The following KLHL1 variants were observed in gnomAD, a reference collection of about 807,000 sequenced individuals.
KLHL1 encodes kelch like family member 1, also known as kelch-like protein 1.
Under a neutral mutation model 77.7 loss-of-function variants are expected in KLHL1, and 47 were observed. The observed-to-expected ratio is 0.60, with a 90% CI of 0.48 to 0.77. KLHL1 has a LOEUF of 0.77. Ranked by LOEUF, KLHL1 falls within the 30% of genes least tolerant of loss-of-function variation. The pLI is 0.00. For missense variants in KLHL1, 925 were observed against 910.8 expected, an observed-to-expected ratio of 1.02 and a Z score of -0.20; for synonymous variants, 360 against 325.2, an observed-to-expected ratio of 1.11 and a Z score of -1.15.
intron 8 of KLHL1, among the ~76,000 whole-genome samples, chr13:69,733,389 C>T (rs890140396): frequency 6.6e-6 from 1 of 152,072 alleles, no homozygotes; most frequent in African/African-American, 2.4e-5. Context: ...AAGTCCCTTT[C>T]AGACATAGAA....
At chr13:70,077,917 T>G (rs1040398367) in intron 1 of KLHL1, among the ~76,000 whole-genome samples, 1 of 152,080 alleles carries the variant, frequency 6.6e-6, no homozygotes, top group East Asian at 1.9e-4. Flanking sequence ...TTAGGTTTTG[T>G]GTTCTTTTGA....
chr13:69,860,889 A>C (rs1880128857), intron 5 of KLHL1, among the ~76,000 whole-genome samples: 1 of 151,950 alleles, frequency 6.6e-6, no homozygotes, highest in Non-Finnish European at 1.5e-5. Context: ...CTTACTAATA[A>C]AAACATAAGA....
chr13:70,072,810 AC>A (rs1035707677), intron 1 of KLHL1, among the ~76,000 whole-genome samples: 18 of 152,172 alleles, frequency 1.2e-4, no homozygotes, highest in African/African-American at 3.9e-4. Context: ...TTGGTAAAAA[AC>A]TTTTATTTAA....
At chr13:70,072,914 C>T (rs1283949491) in intron 1 of KLHL1, among the ~76,000 whole-genome samples, 1 of 152,082 alleles carries the variant, frequency 6.6e-6, no homozygotes, top group Non-Finnish European at 1.5e-5. Context: ...TCCCCTCTCA[C>T]CATTCCTATG....
rs951905258 is a variant in KLHL1, at chr13:69,869,295, G to A, written c.1227+12988C>T. 5.9e-5 allele frequency among the ~76,000 whole-genome samples: 9 copies of A among 151,888 alleles called. No individual in the cohort carries two copies. In the South Asian group the frequency reaches 1.7e-3, roughly 28 times the overall value. On this transcript the variant is annotated intron_variant, in intron 5 of 10. Transcript: ENST00000377844. ...TAAAATTTCTTCCAATTTATTCAGA[G>A]TATTAAATTAGAAATTTTGATTTAT...
intron 1 of KLHL1, among the ~76,000 whole-genome samples, chr13:69,990,084 A>T (rs1884986909): frequency 6.6e-6 from 1 of 152,040 alleles, no homozygotes; most frequent in African/African-American, 2.4e-5. Flanking sequence ...ACTAAGCTTC[A>T]TAAGCAAAGG....
intron 8 of KLHL1, among the ~76,000 whole-genome samples, chr13:69,737,469 G>A (rs2137924626): frequency 6.6e-6 from 1 of 152,328 alleles, no homozygotes; most frequent in South Asian, 2.1e-4. Flanking sequence ...GCAGGCTAGA[G>A]ACTGCCTAAG....
At chr13:69,896,039 T>C (rs1881625482) in intron 4 of KLHL1, among the ~76,000 whole-genome samples, 1 of 152,012 alleles carries the variant, frequency 6.6e-6, no homozygotes, top group African/African-American at 2.4e-5. Flanking sequence ...TCATTCACAT[T>C]GCTGGTAGAA....
intron 8 of KLHL1, among the ~76,000 whole-genome samples, chr13:69,728,425 T>C (rs1456890249): frequency 6.6e-6 from 1 of 151,700 alleles, no homozygotes; most frequent in African/African-American, 2.4e-5. Flanking sequence ...GTTTGTTTGT[T>C]TGTTTGTTTG....
At position 69,955,758 on chromosome 13, in the gene KLHL1, T is replaced by A. The variant is rs564970298; in HGVS notation, c.817+5550A>T. ...TTCTTTTCCTTTCAAAATGTGAGCA[T>A]CCATTTTTGGCTGTGATTGAAATCC... is the stretch of plus-strand genomic sequence containing the variant. On this transcript the variant is annotated intron_variant, in intron 3 of 10. Transcript: ENST00000377844. Among the ~76,000 whole-genome samples the A allele has an allele frequency of 2.7e-5, 4 of 150,068 alleles. No homozygotes were observed. The South Asian group carries it at 8.3e-4, about 31-fold the overall frequency.
At chr13:69,743,682 A>T (rs1874078117) in intron 7 of KLHL1, among the ~76,000 whole-genome samples, 1 of 152,056 alleles carries the variant, frequency 6.6e-6, no homozygotes, top group African/African-American at 2.4e-5. Context: ...GCTACTTGGG[A>T]GGCTGAGGCA....
At chr13:70,035,432 T>C (rs1278823858) in intron 1 of KLHL1, among the ~76,000 whole-genome samples, 1 of 151,784 alleles carries the variant, frequency 6.6e-6, no homozygotes, top group Non-Finnish European at 1.5e-5. Flanking sequence ...TTCCAGAGCC[T>C]GGGAAGGAGT....
At chr13:69,795,789 T>C (rs1311715486) in intron 7 of KLHL1, among the ~76,000 whole-genome samples, 2 of 152,178 alleles carry the variant, frequency 1.3e-5, no homozygotes, top group African/African-American at 2.4e-5. Context: ...CTCTAGTTCC[T>C]GGTTACCCCA....
chr13:70,068,092 A>G (rs1319548117), intron 1 of KLHL1, among the ~76,000 whole-genome samples: 2 of 151,520 alleles, frequency 1.3e-5, no homozygotes, highest in Non-Finnish European at 2.9e-5. Flanking sequence ...CTGTAATCCC[A>G]GCACTTTGGG....
chr13:69,738,940 C>T (rs950386355), intron 8 of KLHL1, among the ~76,000 whole-genome samples: 13 of 152,202 alleles, frequency 8.5e-5, no homozygotes, highest in African/African-American at 3.1e-4. Flanking sequence ...AACCCCTAGA[C>T]ACATAATCAT....
intron 4 of KLHL1, among the ~76,000 whole-genome samples, chr13:69,891,518 T>C (rs1881425164): frequency 6.6e-6 from 1 of 151,988 alleles, no homozygotes; most frequent in Admixed American, 6.6e-5. Context: ...TTAGAAATTA[T>C]AGTGGAAATA....
At position 69,703,519 on chromosome 13, in the gene KLHL1, TA is replaced by T. The variant is rs1473196466; in HGVS notation, c.2188-1759del. On this transcript the variant is annotated intron_variant, in intron 10 of 10. Coordinates refer to ENST00000377844, the MANE Select transcript of KLHL1 (RefSeq NM_020866.3). Reference sequence around the variant, plus strand: ...AAAGAAAAATATTTTAAAATAAGTTTAGTGTAGCCTAAGTGTAGAGAGTTTT... The same window carrying T: ...AAAGAAAAATATTTTAAAATAAGTTTGTGTAGCCTAAGTGTAGAGAGTTTT... Among the ~76,000 whole-genome samples, 3 of 151,576 alleles carry T rather than the reference TA, an allele frequency of 2.0e-5. No homozygotes were observed. The East Asian group carries it at 5.8e-4, about 29-fold the overall frequency.
In KLHL1 at chr13:70,107,990, G is replaced by A. The variant is rs1229534327; in HGVS notation, c.-291C>T. On this transcript the variant is annotated 5_prime_UTR_variant, in exon 1 of 11. Coordinates refer to ENST00000377844, the MANE Select transcript of KLHL1 (RefSeq NM_020866.3). ...ACGCCAAAAGCTGAGAATCCTCGATGCCCGCGCGAGAGCCCCGTGTTATGG... is the reference window on the plus strand; with the variant it reads ...ACGCCAAAAGCTGAGAATCCTCGATACCCGCGCGAGAGCCCCGTGTTATGG... 6.7e-6 allele frequency: 3 copies of A among 445,418 alleles called. No individual in the cohort carries two copies. The highest frequency in any genetic ancestry group is 6.1e-5 in the African/African-American group (3 of 49,570). 27.6% of individuals were successfully genotyped at this position (445,418 alleles called of 1,614,324 possible). A position where few individuals can be genotyped will look rare whatever the true frequency, so the allele number is the denominator to read the frequency against.
chr13:69,926,495 T>C lies in KLHL1; in HGVS notation c.1014+13545A>G, dbSNP rs114208861. ...ATCTCATGTCCATAGATCAGTAAAC[T>C]TAACATTTTTAAGATAGTAATACTC... On this transcript the variant is annotated intron_variant, in intron 4 of 10. Transcript: ENST00000377844. 6.6e-5 allele frequency among the ~76,000 whole-genome samples: 10 copies of C among 152,252 alleles called. No homozygotes were observed. In the East Asian group the frequency reaches 1.7e-3, roughly 27 times the overall value.
Sources: gnomAD v4.1 joint callset for allele counts (sites outside exome capture counted in the v4.1 genomes callset) on GRCh38, gnomAD v4.1.1 for gene constraint, MANE v1.5 for transcripts, NCBI Gene and HGNC (gene_info 2026-07-23, HGNC 2026-07-21) for gene names.